The following CTNNA2 variants were observed in gnomAD, a reference collection of about 807,000 sequenced individuals.
CTNNA2 encodes catenin alpha 2, also known as catenin alpha-2.
CTNNA2 carries 42 observed loss-of-function variants against 101.0 expected under a neutral mutation model. The ratio of observed to expected loss-of-function variants is 0.42; its 90% CI spans 0.32 to 0.54. The LOEUF (loss-of-function observed/expected upper bound fraction) is 0.54. Ranked by LOEUF, CTNNA2 falls within the 20% of genes least tolerant of loss-of-function variation. The pLI is 0.14. For synonymous variants in CTNNA2, 450 were observed against 456.4 expected, an observed-to-expected ratio of 0.99 and a Z score of 0.18; for missense variants, 871 against 1,223.1, an observed-to-expected ratio of 0.71 and a Z score of 4.29.
chr2:80,488,024 T>G (rs7600563), intron 9 of CTNNA2, among the ~76,000 whole-genome samples: 52,076 of 152,092 alleles, frequency 0.34, 9,316 homozygotes, highest in East Asian at 0.62. Context: ...GTTTTAAAGC[T>G]AAGGAAATTA....
At chr2:80,039,431 A>G (rs1326402935) in intron 7 of CTNNA2, among the ~76,000 whole-genome samples, 2 of 152,168 alleles carry the variant, frequency 1.3e-5, no homozygotes, top group African/African-American at 4.8e-5. Context: ...CCGTCTTCTC[A>G]TGTGGTTTCT....
rs545981962 is a variant in CTNNA2, at chr2:80,284,891, TCTAGAGGTGGATCCCCCCAGCTAGA to T, written c.1057-108317_1057-108293del. Among the ~76,000 whole-genome samples the T allele has an allele frequency of 2.0e-4, 31 of 152,236 alleles. No individual in the cohort carries two copies. In the South Asian group the frequency reaches 5.8e-3, roughly 29 times the overall value. On this transcript the variant is annotated intron_variant, in intron 7 of 18. Coordinates refer to ENST00000402739, the MANE Select transcript of CTNNA2 (RefSeq NM_001282597.3). ...GTTTATTACTCCACATGGCAATAGG[TCTAGAGGTGGATCCCCCCAGCTAGA>T]CTGTGGAGCACAGTGGAGTCTCTTT...
intron 3 of CTNNA2, among the ~76,000 whole-genome samples, chr2:79,760,315 A>G (rs938568384): frequency 2.0e-5 from 3 of 150,952 alleles, no homozygotes; most frequent in Middle Eastern, 3.2e-3. Flanking sequence ...GTGTGTGTAT[A>G]TAATCTTTAG....
intron 2 of CTNNA2, among the ~76,000 whole-genome samples, chr2:79,726,450 G>T (rs1686844574): frequency 6.6e-6 from 1 of 152,060 alleles, no homozygotes; most frequent in African/African-American, 2.4e-5. Context: ...AGAGCAGTGG[G>T]GGCATTAGAT....
At chr2:79,757,367 C>A (rs1244798637) in intron 3 of CTNNA2, among the ~76,000 whole-genome samples, 1 of 152,146 alleles carries the variant, frequency 6.6e-6, no homozygotes, top group Non-Finnish European at 1.5e-5. Flanking sequence ...AGCTGACTTG[C>A]AAAGAATGGT....
intron 7 of CTNNA2, among the ~76,000 whole-genome samples, chr2:79,948,835 A>G (rs7595191): frequency 0.061 from 9,326 of 152,130 alleles, 965 homozygotes; most frequent in African/African-American, 0.21. Flanking sequence ...GGGCGTGGTG[A>G]CGGGTGCCTG....
chr2:80,451,544 C>G (rs149953603), intron 9 of CTNNA2, among the ~76,000 whole-genome samples: 11 of 152,264 alleles, frequency 7.2e-5, no homozygotes, highest in Non-Finnish European at 1.3e-4. Context: ...ATGTGCACAT[C>G]CTATAGCAGA....
At chr2:79,225,157 G>A (rs1055585259) in intron 2 of CTNNA2, among the ~76,000 whole-genome samples, 3 of 151,904 alleles carry the variant, frequency 2.0e-5, no homozygotes, top group Admixed American at 1.3e-4. Context: ...GGAACTGCTA[G>A]GTCACAAAAT....
rs953973937 is a variant in CTNNA2 at position 79,461,565 on chromosome 2, A to G, written c.-134-43489A>G. 5.9e-5 allele frequency among the ~76,000 whole-genome samples: 9 copies of G among 152,240 alleles called. No individual in the cohort carries two copies. In the South Asian group the frequency reaches 1.9e-3, roughly 32 times the overall value. The stretch of plus-strand genomic sequence containing the variant: ...CCCACCTCATATAAATGTCTCTGTA[A>G]TCAACACCAATCCCCATTCATTACT... On this transcript the variant is annotated intron_variant, in intron 4 of 21. Coordinates refer to the CTNNA2 transcript ENST00000466387.
intron 1 of CTNNA2, among the ~76,000 whole-genome samples, chr2:79,572,814 G>C (rs1013060049): frequency 6.6e-5 from 10 of 152,132 alleles, no homozygotes; most frequent in African/African-American, 2.4e-4. Context: ...GTAAAAGTCT[G>C]TGATGATCAG....
chr2:80,151,971 G>A lies in CTNNA2; in HGVS notation c.1057-241240G>A, dbSNP rs755661896. Among the ~76,000 whole-genome samples the A allele has an allele frequency of 4.6e-5, 7 of 152,346 alleles. No homozygotes were observed. In the South Asian group the frequency reaches 1.4e-3, roughly 32 times the overall value. ...CTGTCTTGTTGCTGCATTGCCATGGGCATCAGGCAAGGGTTCAGGGGCCTA... is the reference window on the plus strand; with the variant it reads ...CTGTCTTGTTGCTGCATTGCCATGGACATCAGGCAAGGGTTCAGGGGCCTA... On this transcript the variant is annotated intron_variant, in intron 7 of 18. Coordinates refer to ENST00000402739, the MANE Select transcript of CTNNA2 (RefSeq NM_001282597.3).
chr2:79,600,342 AT>A (rs1020763816), intron 1 of CTNNA2, among the ~76,000 whole-genome samples: 49 of 151,142 alleles, frequency 3.2e-4, no homozygotes, highest in African/African-American at 1.1e-3. Context: ...TGCCTGGCTA[AT>A]TTTTTTTTAT....
intron 1 of CTNNA2, among the ~76,000 whole-genome samples, chr2:79,579,358 A>G (rs531599865): frequency 3.4e-4 from 51 of 151,816 alleles, no homozygotes; most frequent in Middle Eastern, 3.4e-3. Flanking sequence ...GTGGCCCTAG[A>G]ATGAGGTTCA....
chr2:80,542,354 T>G (rs1305419798), intron 9 of CTNNA2, among the ~76,000 whole-genome samples: 1 of 152,168 alleles, frequency 6.6e-6, no homozygotes, highest in Non-Finnish European at 1.5e-5. Flanking sequence ...TGATTGCATG[T>G]ATGTACTTTT....
intron 7 of CTNNA2, among the ~76,000 whole-genome samples, chr2:80,259,365 T>C (rs2149119968): frequency 6.6e-6 from 1 of 152,246 alleles, no homozygotes; most frequent in South Asian, 2.1e-4. Flanking sequence ...GTTTTTGACA[T>C]CTGCAAGGCC....
At chr2:80,048,125 AAAC>A (rs538045186) in intron 7 of CTNNA2, among the ~76,000 whole-genome samples, 19 of 152,242 alleles carry the variant, frequency 1.2e-4, no homozygotes, top group African/African-American at 2.4e-4. Context: ...TTAACAAATT[AAAC>A]AACAACAACA....
intron 9 of CTNNA2, among the ~76,000 whole-genome samples, chr2:80,503,501 G>A (rs192882209): frequency 5.3e-5 from 8 of 152,276 alleles, no homozygotes; most frequent in Non-Finnish European, 8.8e-5. Flanking sequence ...TATGAAGTGG[G>A]AGATGGGGAG....
intron 18 of CTNNA2, among the ~76,000 whole-genome samples, chr2:80,645,202 T>A (rs1673938967): frequency 6.6e-6 from 1 of 152,160 alleles, no homozygotes; most frequent in African/African-American, 2.4e-5. Context: ...TGAATTAACA[T>A]TACTCATTTT....
At chr2:79,750,941 T>G (rs1671989491) in intron 3 of CTNNA2, among the ~76,000 whole-genome samples, 1 of 152,106 alleles carries the variant, frequency 6.6e-6, no homozygotes, top group African/African-American at 2.4e-5. Context: ...TAAAATATTA[T>G]GGATAGATAT....
Sources: allele counts gnomAD v4.1 joint callset (sites outside exome capture counted in the v4.1 genomes callset), GRCh38; gene constraint gnomAD v4.1.1; transcripts MANE v1.5; gene names NCBI Gene and HGNC (gene_info 2026-07-23, HGNC 2026-07-21).